Variants in MTOR observed in about 807,000 individuals in gnomAD.
MTOR encodes mechanistic target of rapamycin kinase.
In MTOR, 70 loss-of-function variants were observed where a neutral mutation model predicts 319.8. That is an observed-to-expected ratio of 0.22 (90% confidence interval 0.18 to 0.27). The LOEUF is 0.27. Among genes scored for constraint, MTOR ranks in the 10% least tolerant of loss-of-function variants. The pLI is 1.00. For synonymous variants in MTOR, 1,183 were observed against 1,211.4 expected (o/e 0.98, Z 0.49); for missense variants, 1,890 against 3,274.4 (o/e 0.58, Z 10.32).
intron 28 of MTOR, chr1:11,189,881 A>C: frequency 6.2e-7 from 1 of 1,614,166 alleles, no homozygotes; most frequent in Non-Finnish European, 8.5e-7. Flanking sequence ...GCTGAGAGCA[A>C]GTACTCCGAG....
At chr1:11,244,893 G>A (rs1648616251) in intron 8 of MTOR, among the ~76,000 whole-genome samples, 1 of 152,174 alleles carries the variant, frequency 6.6e-6, no homozygotes, top group Admixed American at 6.5e-5. Flanking sequence ...GTGTAGAGTA[G>A]GCTATACCAT....
intron 13 of MTOR, among the ~76,000 whole-genome samples, chr1:11,236,008 C>A (rs1647206161): frequency 6.6e-6 from 1 of 151,986 alleles, no homozygotes; most frequent in Admixed American, 6.6e-5. Flanking sequence ...AAGATTGCAG[C>A]CACGCCTGGC....
At chr1:11,229,430 T>C (rs1646947018) in intron 18 of MTOR, among the ~76,000 whole-genome samples, 2 of 152,066 alleles carry the variant, frequency 1.3e-5, no homozygotes, top group South Asian at 4.2e-4. Flanking sequence ...GGAGGTATAC[T>C]AACATGAAGA....
intron 4 of MTOR, among the ~76,000 whole-genome samples, chr1:11,256,629 T>C (rs1210613372): frequency 1.3e-5 from 2 of 152,164 alleles, no homozygotes; most frequent in South Asian, 2.1e-4. Flanking sequence ...AGGTAGGAAG[T>C]TGCAAAGCCA....
intron 28 of MTOR, among the ~76,000 whole-genome samples, chr1:11,196,940 G>C (rs1645807578): frequency 6.6e-6 from 1 of 152,086 alleles, no homozygotes; most frequent in Admixed American, 6.6e-5. Flanking sequence ...AAAGAATTTA[G>C]GGAAGTTGAC....
chr1:11,141,472 G>A (rs139323066), intron 34 of MTOR, among the ~76,000 whole-genome samples: 9,007 of 151,938 alleles, frequency 0.059, 373 homozygotes, highest in South Asian at 0.12. Flanking sequence ...AGGTTCAAGC[G>A]ATTCTTCTGC....
At chr1:11,253,157 G>A (rs369261474) in intron 6 of MTOR, among the ~76,000 whole-genome samples, 1 of 152,276 alleles carries the variant, frequency 6.6e-6, no homozygotes, top group East Asian at 1.9e-4. Context: ...AGGGTCAGAT[G>A]TGCATTGTGG....
intron 30 of MTOR, 64 bp from the exon 31 acceptor site, chr1:11,150,290 C>A: frequency 7.0e-7 from 1 of 1,436,964 alleles, no homozygotes; most frequent in South Asian, 1.2e-5. Context: ...ATCTTCCTCT[C>A]CTGCCCCTTG....
rs2100381163 is a variant in MTOR at position 11,124,509 on chromosome 1, C to A, written c.6651G>T (p.Arg2217=). 1 of 1,605,980 alleles carries A rather than the reference C, an allele frequency of 6.2e-7. No individual in the cohort carries two copies. The highest frequency in any genetic ancestry group is 2.2e-5 in the East Asian group (1 of 44,660). ...GGGTTTCTGAATACCTGAGGTTTTT[C>A]CGAAGAGATGTTGGGTCATTGGCCA... The part of the protein sequence containing the change: ...TLLANDPTSL[R]KNLSIQRYAV... Residue 2217 remains arginine, a synonymous_variant, in exon 47 of 58, where the codon CGG becomes CGT. Coordinates refer to ENST00000361445, the MANE Select transcript of MTOR (RefSeq NM_004958.4).
chr1:11,189,901 C>T, intron 28 of MTOR: 11 of 1,613,984 alleles, frequency 6.8e-6, no homozygotes, highest in Non-Finnish European at 9.3e-6. Flanking sequence ...GATGAACAAC[C>T]AAATTGACAT....
chr1:11,167,593 G>A, intron 28 of MTOR, 76 bp from the exon 29 acceptor site: 1 of 1,119,318 alleles, frequency 8.9e-7, no homozygotes, highest in South Asian at 1.2e-5. Context: ...TTTGTGGGCA[G>A]ATGGTTCACC....
At chr1:11,146,863 G>A in intron 31 of MTOR, 72 bp from the exon 32 acceptor site, 1 of 1,024,562 alleles carries the variant, frequency 9.8e-7, no homozygotes, top group Non-Finnish European at 1.5e-6. Context: ...ATCTCAAATA[G>A]GTCTTGCCAC....
chr1:11,241,964 C>A (rs1648099090), intron 9 of MTOR, among the ~76,000 whole-genome samples: 1 of 152,100 alleles, frequency 6.6e-6, no homozygotes, highest in South Asian at 2.1e-4. Flanking sequence ...TGGTGCTCAC[C>A]AAGATAATTA....
At position 11,106,785 on chromosome 1, in the gene MTOR, G is replaced by A; in HGVS notation, c.*700C>T. 1 of 1,258,610 alleles carries A rather than the reference G, an allele frequency of 7.9e-7. No homozygotes were observed. Among genetic ancestry groups the A allele is most frequent in the South Asian group, 1.6e-5 (1 of 61,826 alleles). 78.0% of individuals were successfully genotyped at this position (1,258,610 alleles called of 1,614,324 possible). ...CAGAACCCTGCTGCAGAAGGCCAGT[G>A]AGGGTGGTCCCACTGCACAGTGATC... On this transcript the variant is annotated 3_prime_UTR_variant, in exon 58 of 58. Coordinates refer to ENST00000361445, the MANE Select transcript of MTOR (RefSeq NM_004958.4).
At chr1:11,219,404 T>C (rs1465555046) in intron 19 of MTOR, among the ~76,000 whole-genome samples, 1 of 151,924 alleles carries the variant, frequency 6.6e-6, no homozygotes, top group African/African-American at 2.4e-5. Context: ...CAGGCATCTA[T>C]TGTACAGGTT....
chr1:11,240,208 C>T (rs1004013459), intron 11 of MTOR, 95 bp downstream of exon 11: 15 of 1,477,114 alleles, frequency 1.0e-5, no homozygotes, highest in Non-Finnish European at 1.4e-5. Flanking sequence ...TCTTTAGCAC[C>T]CCAGCAAGAT....
At chr1:11,125,633 G>A (rs1364335321) in intron 46 of MTOR, among the ~76,000 whole-genome samples, 1 of 151,574 alleles carries the variant, frequency 6.6e-6, no homozygotes, top group Non-Finnish European at 1.5e-5. Context: ...GGGAGGCTGA[G>A]GCACGAGAAT....
chr1:11,134,542 G>C, intron 36 of MTOR, 76 bp from the exon 37 acceptor site: 1 of 1,253,450 alleles, frequency 8.0e-7, no homozygotes, highest in Non-Finnish European at 1.2e-6. Flanking sequence ...CCGTTCATCT[G>C]ATAGGCATGA....
Position 11,233,294 on chromosome 1 carries a change from T to C in MTOR, c.2421+104A>G, listed in dbSNP as rs557942562. 9 of 1,040,856 alleles carry C rather than the reference T, an allele frequency of 8.6e-6. No individual in the cohort carries two copies. The East Asian group carries it at 9.6e-5, about 11-fold the overall frequency. 64.5% of individuals were successfully genotyped at this position (1,040,856 alleles called of 1,614,324 possible). ...TGTTGGCTGGGTTCCGCAATAAATA[T>C]GTGAGACCTTTCATTTAAAAAAAAA... On this transcript the variant is annotated intron_variant, in intron 15 of 57. Coordinates refer to ENST00000361445, the MANE Select transcript of MTOR (RefSeq NM_004958.4).
Sources: allele counts gnomAD v4.1 joint callset (sites outside exome capture counted in the v4.1 genomes callset), GRCh38; gene constraint gnomAD v4.1.1; transcripts MANE v1.5; gene names NCBI Gene and HGNC (gene_info 2026-07-23, HGNC 2026-07-21).